Variants in SLC24A2 observed in about 807,000 individuals in gnomAD.
SLC24A2 encodes sodium/potassium/calcium exchanger 2.
A neutral mutation model predicts 62.0 loss-of-function variants in SLC24A2; 36 were observed. That is an observed-to-expected ratio of 0.58 (90% CI 0.44 to 0.77). The LOEUF is 0.77. Ranked by LOEUF, SLC24A2 falls within the 30% of genes least tolerant of loss-of-function variation. The pLI, the probability that SLC24A2 is intolerant of heterozygous loss-of-function variation, is 0.00. For synonymous variants in SLC24A2, 358 were observed against 294.0 expected (o/e 1.22, Z -2.23); for missense variants, 846 against 817.9 (o/e 1.03, Z -0.42).
At chr9:19,923,604 C>T in the SLC24A2 span, among the ~76,000 whole-genome samples, 2 of 152,162 alleles carry the variant, frequency 1.3e-5, no homozygotes, top group African/African-American at 2.4e-5. Context: ...CACAAGCCCA[C>T]CCCACTCATG....
intron 2 of SLC24A2, among the ~76,000 whole-genome samples, chr9:19,704,210 A>C (rs1262146127): frequency 6.6e-6 from 1 of 152,212 alleles, no homozygotes; most frequent in African/African-American, 2.4e-5. Context: ...ATTTCCAACA[A>C]GTTCTCCAGT....
At chr9:19,567,182 AAAAAG>A (rs1175219807) in intron 7 of SLC24A2, among the ~76,000 whole-genome samples, 2 of 151,298 alleles carry the variant, frequency 1.3e-5, no homozygotes, top group East Asian at 1.9e-4. Flanking sequence ...TGGAAAAAAA[AAAAAG>A]AAAATCTGCT....
the SLC24A2 span, among the ~76,000 whole-genome samples, chr9:19,864,233 C>A: frequency 6.6e-6 from 1 of 151,852 alleles, no homozygotes; most frequent in Non-Finnish European, 1.5e-5. Flanking sequence ...GGTTTTACTG[C>A]TGAATTCTAC....
chr9:20,160,443 T>A, the SLC24A2 span, among the ~76,000 whole-genome samples: 4 of 151,364 alleles, frequency 2.6e-5, no homozygotes, highest in Non-Finnish European at 4.4e-5. Context: ...ATAGATATCA[T>A]AAATATATGT....
At chr9:20,039,209 C>T in the SLC24A2 span, among the ~76,000 whole-genome samples, 1 of 152,154 alleles carries the variant, frequency 6.6e-6, no homozygotes, top group Non-Finnish European at 1.5e-5. Flanking sequence ...GTGACCTTGA[C>T]AAAATCTCAA....
chr9:20,053,999 T>C, the SLC24A2 span, among the ~76,000 whole-genome samples: 120 of 152,306 alleles, frequency 7.9e-4, no homozygotes, highest in African/African-American at 2.8e-3. Context: ...TCCATTGTCC[T>C]GAATGGAATC....
At chr9:19,864,042 T>G in the SLC24A2 span, among the ~76,000 whole-genome samples, 1 of 151,990 alleles carries the variant, frequency 6.6e-6, no homozygotes, top group Non-Finnish European at 1.5e-5. Context: ...CGTTAGTGGC[T>G]ACTATGAGCA....
chr9:20,257,227 C>T, the SLC24A2 span, among the ~76,000 whole-genome samples: 1 of 152,214 alleles, frequency 6.6e-6, no homozygotes, highest in South Asian at 2.1e-4. Context: ...ATCCCAATTG[C>T]AATTAGTGAT....
chr9:20,076,726 G>A, the SLC24A2 span, among the ~76,000 whole-genome samples: 12 of 151,802 alleles, frequency 7.9e-5, no homozygotes, highest in African/African-American at 2.7e-4. Flanking sequence ...AGACACAAAG[G>A]GGCAGATGGA....
intron 2 of SLC24A2, among the ~76,000 whole-genome samples, chr9:19,760,918 T>TG (rs1202859962): frequency 5.5e-5 from 3 of 54,216 alleles, no homozygotes; most frequent in African/African-American, 1.1e-4. Flanking sequence ...TGTTGCCGGG[T>TG]GGGGGGAGGG....
At chr9:19,977,113 T>TTGTGTGTGTGTGTGTGTG in the SLC24A2 span, among the ~76,000 whole-genome samples, 10 of 145,332 alleles carry the variant, frequency 6.9e-5, no homozygotes, top group African/African-American at 2.5e-4. Context: ...ATTTCTATAT[T>TTGTGTGTGTGTGTGTGTG]TGTGTGTGTG....
At chr9:19,785,662 T>G (rs1174111774) in intron 2 of SLC24A2, among the ~76,000 whole-genome samples, 1 of 152,222 alleles carries the variant, frequency 6.6e-6, no homozygotes, top group African/African-American at 2.4e-5. Flanking sequence ...GACAAATAAC[T>G]GCTGAATTGG....
At chr9:20,087,661 T>C in the SLC24A2 span, among the ~76,000 whole-genome samples, 120 of 152,342 alleles carry the variant, frequency 7.9e-4, no homozygotes, top group African/African-American at 2.7e-3. Flanking sequence ...TACTTGATTT[T>C]AGCAAGATCA....
At chr9:19,534,709 T>C (rs1393523037) in intron 8 of SLC24A2, among the ~76,000 whole-genome samples, 1 of 152,232 alleles carries the variant, frequency 6.6e-6, no homozygotes, top group Non-Finnish European at 1.5e-5. Context: ...TATGGCTGCA[T>C]AATACTCCAT....
chr9:19,846,287 G>A, the SLC24A2 span, among the ~76,000 whole-genome samples: 14 of 152,216 alleles, frequency 9.2e-5, no homozygotes, highest in South Asian at 4.1e-4. Context: ...TGTTGGGTGC[G>A]CATATATTTG....
chr9:19,895,842 G>A, the SLC24A2 span: 30 of 1,608,282 alleles, frequency 1.9e-5, no homozygotes, highest in East Asian at 2.2e-5. Flanking sequence ...GCTCCTCAGG[G>A]GTCAGGCCAG....
At position 19,602,684 on chromosome 9, in the gene SLC24A2, G is replaced by T. The variant is rs1405140133; in HGVS notation, c.1079-5405C>A. Reference sequence around the variant, plus strand: ...CAGTGGTTAAAAGAGTGTGTTCTGGGGTCCAACAATCCTGGGTTTGAACCC... The same window carrying T: ...CAGTGGTTAAAAGAGTGTGTTCTGGTGTCCAACAATCCTGGGTTTGAACCC... On this transcript the variant is annotated intron_variant, in intron 4 of 10. Coordinates refer to ENST00000341998, the MANE Select transcript of SLC24A2 (RefSeq NM_020344.4). Among the ~76,000 whole-genome samples the T allele has an allele frequency of 2.0e-5, 3 of 152,188 alleles. No homozygotes were observed. The East Asian group carries it at 5.8e-4, about 29-fold the overall frequency.
the SLC24A2 span, among the ~76,000 whole-genome samples, chr9:20,028,743 T>A: frequency 6.6e-6 from 1 of 152,194 alleles, no homozygotes; most frequent in Non-Finnish European, 1.5e-5. Context: ...TGAGTACACA[T>A]CCCCCTGTCT....
At chr9:19,955,387 T>TTG in the SLC24A2 span, among the ~76,000 whole-genome samples, 245 of 151,786 alleles carry the variant, frequency 1.6e-3, 5 homozygotes, top group East Asian at 0.045. Context: ...GTTTTTTTTT[T>TTG]TTTTGTTTTC....
Sources: gnomAD v4.1 joint callset for allele counts (sites outside exome capture counted in the v4.1 genomes callset) on GRCh38, gnomAD v4.1.1 for gene constraint, MANE v1.5 for transcripts, NCBI Gene and HGNC (gene_info 2026-07-23, HGNC 2026-07-21) for gene names.